DPP10: variants seen among roughly 807,000 people sequenced by gnomAD.
DPP10 encodes the protein inactive dipeptidyl peptidase 10.
DPP10 carries 33 observed loss-of-function variants against 120.9 expected under a neutral mutation model. The observed-to-expected ratio is 0.27, with a 90% CI of 0.21 to 0.37. The LOEUF is 0.37. DPP10 is among the 10% of genes least tolerant of loss of function. The probability of loss-of-function intolerance (pLI) is 1.00; values close to 1 mark genes in which losing one functional copy is unlikely to be tolerated. For synonymous variants in DPP10, 337 were observed against 326.1 expected, an observed-to-expected ratio of 1.03 and a Z score of -0.36; for missense variants, 816 against 942.8, an observed-to-expected ratio of 0.87 and a Z score of 1.76.
intron 1 of DPP10, among the ~76,000 whole-genome samples, chr2:115,178,023 A>T (rs982085634): frequency 1.3e-5 from 2 of 152,184 alleles, no homozygotes; most frequent in African/African-American, 4.8e-5. Context: ...TCGGCCTCCC[A>T]AAGTGACATT....
chr2:114,646,564 C>A lies in DPP10; in HGVS notation c.60+203726C>A, dbSNP rs768845909. Among the ~76,000 whole-genome samples, 56 of 152,040 alleles carry A rather than the reference C, an allele frequency of 3.7e-4. 1 individual carries two copies. Among genetic ancestry groups the A allele is most frequent in the Admixed American group, 6.6e-4 (10 of 15,264 alleles). The stretch of plus-strand genomic sequence containing the variant: ...TAATTAATCTGATGAACTCTGTTCT[C>A]GAGATGACAGTATCTCCATATTATC... On this transcript the variant is annotated intron_variant, in intron 1 of 25. Coordinates refer to ENST00000410059, the MANE Select transcript of DPP10 (RefSeq NM_020868.6).
intron 2 of DPP10, among the ~76,000 whole-genome samples, chr2:115,310,615 C>T (rs1184452653): frequency 3.3e-5 from 5 of 151,998 alleles, no homozygotes; most frequent in African/African-American, 4.8e-5. Flanking sequence ...TTGGCTTATC[C>T]GGCATTCTCC....
At chr2:114,812,167 A>C (rs866728352) in intron 1 of DPP10, among the ~76,000 whole-genome samples, 1 of 152,214 alleles carries the variant, frequency 6.6e-6, no homozygotes, top group Non-Finnish European at 1.5e-5. Flanking sequence ...GTAAATTTAC[A>C]CAATCTGCAG....
chr2:115,644,409 G>A (rs185926933), intron 5 of DPP10, among the ~76,000 whole-genome samples: 3 of 151,970 alleles, frequency 2.0e-5, no homozygotes, highest in South Asian at 2.1e-4. Flanking sequence ...GAGAACATGC[G>A]GTGTTTGGTT....
intron 1 of DPP10, among the ~76,000 whole-genome samples, chr2:114,925,067 T>C (rs2104457109): frequency 6.6e-6 from 1 of 152,034 alleles, no homozygotes; most frequent in Admixed American, 6.6e-5. Context: ...AAAAATTATC[T>C]GGGCATAGTG....
At chr2:115,023,666 T>A (rs1703241221) in intron 1 of DPP10, among the ~76,000 whole-genome samples, 1 of 152,068 alleles carries the variant, frequency 6.6e-6, no homozygotes. Context: ...AGGAAAAAAG[T>A]TATTATATGA....
rs148886038 is a variant in DPP10 at position 115,022,890 on chromosome 2, G to A, written c.61-286349G>A. Among the ~76,000 whole-genome samples the A allele has an allele frequency of 5.7e-3, 861 of 152,110 alleles. 9 individuals are homozygous for A. Among genetic ancestry groups the A allele is most frequent in the African/African-American group, 0.02 (811 of 41,540 alleles). On this transcript the variant is annotated intron_variant, in intron 1 of 25. Coordinates refer to ENST00000410059, the MANE Select transcript of DPP10 (RefSeq NM_020868.6). ...TCTTCAACAAAGCAAACAAAAGCAT[G>A]TAGTGGGGAAAGGACACTCCATTCA...
At chr2:115,797,968 T>TACAC (rs1553512118) in intron 19 of DPP10, among the ~76,000 whole-genome samples, 1 of 151,172 alleles carries the variant, frequency 6.6e-6, no homozygotes, top group African/African-American at 2.4e-5. Context: ...TATATATATA[T>TACAC]ACACACGTAT....
chr2:114,855,873 T>C (rs1689327462), intron 1 of DPP10, among the ~76,000 whole-genome samples: 1 of 151,954 alleles, frequency 6.6e-6, no homozygotes, highest in African/African-American at 2.4e-5. Context: ...ATAAATATGC[T>C]CTAGCCAATT....
intron 2 of DPP10, among the ~76,000 whole-genome samples, chr2:115,323,907 G>T (rs2062197228): frequency 1.3e-5 from 2 of 152,126 alleles, no homozygotes; most frequent in African/African-American, 4.8e-5. Flanking sequence ...AGTAGCTTTA[G>T]CATGATTCTT....
intron 5 of DPP10, among the ~76,000 whole-genome samples, chr2:115,688,556 T>G (rs962980333): frequency 6.6e-6 from 1 of 152,136 alleles, no homozygotes; most frequent in African/African-American, 2.4e-5. Flanking sequence ...AATATCACAA[T>G]ATAGCTAGCT....
intron 5 of DPP10, among the ~76,000 whole-genome samples, chr2:115,680,201 C>T (rs2090553800): frequency 6.6e-6 from 1 of 151,902 alleles, no homozygotes; most frequent in Admixed American, 6.5e-5. Context: ...AGTTTTAAAA[C>T]ATTTTTAAAT....
intron 21 of DPP10, among the ~76,000 whole-genome samples, chr2:115,827,414 GTA>G (rs70941101): frequency 1.6e-3 from 120 of 75,436 alleles, no homozygotes; most frequent in African/African-American, 3.9e-3. Flanking sequence ...ATGTGTGTGT[GTA>G]TATATATATA....
chr2:114,982,692 C>G (rs1050186836), intron 1 of DPP10, among the ~76,000 whole-genome samples: 14 of 151,834 alleles, frequency 9.2e-5, no homozygotes, highest in African/African-American at 3.4e-4. Flanking sequence ...CCTCTACGTC[C>G]CAGGCTCAAT....
At chr2:114,958,605 G>A (rs1012413504) in intron 1 of DPP10, among the ~76,000 whole-genome samples, 2 of 152,104 alleles carry the variant, frequency 1.3e-5, no homozygotes, top group African/African-American at 4.8e-5. Flanking sequence ...ATTCTATAAT[G>A]TAAGCATATA....
At chr2:115,231,494 A>G (rs2057731618) in intron 1 of DPP10, among the ~76,000 whole-genome samples, 1 of 152,142 alleles carries the variant, frequency 6.6e-6, no homozygotes, top group Non-Finnish European at 1.5e-5. Context: ...TAAAAATTAG[A>G]AGGGGTCTTA....
At chr2:115,563,299 C>T (rs1252239245) in intron 5 of DPP10, among the ~76,000 whole-genome samples, 2 of 151,990 alleles carry the variant, frequency 1.3e-5, no homozygotes, top group Non-Finnish European at 2.9e-5. Context: ...TGTTAGATCT[C>T]GTAAATATCA....
At chr2:115,304,471 G>C (rs2061277801) in intron 1 of DPP10, among the ~76,000 whole-genome samples, 1 of 152,040 alleles carries the variant, frequency 6.6e-6, no homozygotes, top group South Asian at 2.1e-4. Context: ...TTAGAAAGTA[G>C]ACAGGTGGTT....
chr2:115,709,554 T>C (rs900890139), intron 7 of DPP10, among the ~76,000 whole-genome samples: 1 of 151,890 alleles, frequency 6.6e-6, no homozygotes, highest in Admixed American at 6.6e-5. Flanking sequence ...CTACCTTTCA[T>C]AGACAGATAC....
Sources: gnomAD v4.1 joint callset for allele counts (sites outside exome capture counted in the v4.1 genomes callset) on GRCh38, gnomAD v4.1.1 for gene constraint, MANE v1.5 for transcripts, NCBI Gene and HGNC (gene_info 2026-07-23, HGNC 2026-07-21) for gene names.